The following NFIB variants were observed in gnomAD, a reference collection of about 807,000 sequenced individuals.
NFIB encodes the protein nuclear factor 1 B-type.
Under a neutral mutation model 61.5 loss-of-function variants are expected in NFIB, and 11 were observed. The observed-to-expected ratio is 0.18, with a 90% confidence interval of 0.11 to 0.30. NFIB has a LOEUF of 0.30. NFIB is among the 10% of genes least tolerant of loss of function. NFIB has a pLI of 1.00. For missense variants in NFIB, 471 were observed against 608.9 expected, an observed-to-expected ratio of 0.77 and a Z score of 2.38; for synonymous variants, 260 against 216.5, an observed-to-expected ratio of 1.20 and a Z score of -1.76.
intron 1 of NFIB, among the ~76,000 whole-genome samples, chr9:14,380,486 C>G (rs984173298): frequency 6.6e-6 from 1 of 152,134 alleles, no homozygotes; most frequent in African/African-American, 2.4e-5. Context: ...GCATCAATTC[C>G]GAATTTATCC....
chr9:14,305,982 A>G (rs1198972378), intron 2 of NFIB: 3 of 1,351,290 alleles, frequency 2.2e-6, no homozygotes, highest in African/African-American at 3.0e-5. Flanking sequence ...GGACATCTAT[A>G]TCTTGATGCA....
chr9:14,263,817 G>A (rs574533009), intron 2 of NFIB, among the ~76,000 whole-genome samples: 12 of 152,274 alleles, frequency 7.9e-5, no homozygotes, highest in African/African-American at 2.4e-4. Context: ...GGCGTAATCC[G>A]TGAAACCCAA....
intron 2 of NFIB, among the ~76,000 whole-genome samples, chr9:14,272,442 T>C (rs548026113): frequency 2.7e-4 from 41 of 152,308 alleles, no homozygotes; most frequent in Non-Finnish European, 5.6e-4. Context: ...CATAAAATGC[T>C]ATCATTTAAA....
In NFIB at chr9:14,150,270, GGAATAA is replaced by G; in HGVS notation, c.686-11_686-6del. 1 of 1,613,160 alleles carries G rather than the reference GGAATAA, an allele frequency of 6.2e-7. No individual in the cohort carries two copies. On this transcript the variant is annotated splice_region_variant and splice_polypyrimidine_tract_variant and intron_variant, in intron 4 of 10. Coordinates refer to ENST00000380953, the MANE Select transcript of NFIB (RefSeq NM_001190737.2). ...CAGTTCCCTGGGTTATGGGCGCTGA[GGAATAA>G]GACAAAGAAGCACTGGGAATGACAT...
intron 6 of NFIB, among the ~76,000 whole-genome samples, chr9:14,129,908 T>C (rs1314093041): frequency 6.6e-6 from 1 of 152,202 alleles, no homozygotes; most frequent in Non-Finnish European, 1.5e-5. Flanking sequence ...GATTAGCTGA[T>C]GTTTCTACTG....
At chr9:14,317,323 C>G (rs1320883430), upstream of NFIB, 2 of 152,246 alleles carry the variant, frequency 1.3e-5, no homozygotes, top group Non-Finnish European at 2.9e-5. Flanking sequence ...ACACCAAGGG[C>G]GAAGAAGCAG....
intron 7 of NFIB, among the ~76,000 whole-genome samples, chr9:14,122,196 T>C (rs555898653): frequency 4.2e-4 from 64 of 152,068 alleles, no homozygotes; most frequent in South Asian, 1.0e-3. Flanking sequence ...GGGTGGGACC[T>C]ATTTATGGGA....
the NFIB span, among the ~76,000 whole-genome samples, chr9:14,529,232 T>C: frequency 2.6e-5 from 4 of 152,308 alleles, no homozygotes; most frequent in East Asian, 5.8e-4. Context: ...TTGGGCTTTT[T>C]CCCTGTCAAG....
At chr9:14,300,234 T>C (rs949166487) in intron 2 of NFIB, 10 of 398,386 alleles carry the variant, frequency 2.5e-5, no homozygotes, top group Admixed American at 4.4e-5. Flanking sequence ...CGTCTCTTCT[T>C]GCTATGCTTG....
chr9:14,098,725 G>A (rs1216322414), intron 10 of NFIB, among the ~76,000 whole-genome samples: 1 of 152,138 alleles, frequency 6.6e-6, no homozygotes, highest in African/African-American at 2.4e-5. Flanking sequence ...ATTTTACTCT[G>A]GGTTAACTGC....
the NFIB span, among the ~76,000 whole-genome samples, chr9:14,491,504 G>A: frequency 9.9e-5 from 15 of 152,216 alleles, no homozygotes; most frequent in Non-Finnish European, 8.8e-5. Context: ...GACAGTAGAA[G>A]ATAGGGCTGA....
chr9:14,409,251 C>T, the NFIB span, among the ~76,000 whole-genome samples: 1 of 151,998 alleles, frequency 6.6e-6, no homozygotes, highest in African/African-American at 2.4e-5. Flanking sequence ...TAATTATAAG[C>T]TTATATAATT....
intron 3 of NFIB, among the ~76,000 whole-genome samples, chr9:14,169,449 T>C (rs893238821): frequency 2.0e-5 from 3 of 152,124 alleles, no homozygotes; most frequent in African/African-American, 4.8e-5. Context: ...CCAAAAAGAT[T>C]TGTAACAACT....
intron 1 of NFIB, among the ~76,000 whole-genome samples, chr9:14,337,966 A>C (rs2060903767): frequency 6.6e-6 from 1 of 152,214 alleles, no homozygotes; most frequent in South Asian, 2.1e-4. Flanking sequence ...ACTGGGCAGT[A>C]AATGCATGTA....
chr9:14,529,292 C>CA, the NFIB span, among the ~76,000 whole-genome samples: 2 of 152,078 alleles, frequency 1.3e-5, no homozygotes. Flanking sequence ...CTGAAACAGA[C>CA]AATAAGTCAG....
the NFIB span, among the ~76,000 whole-genome samples, chr9:14,514,469 A>C: frequency 2.6e-5 from 4 of 152,188 alleles, no homozygotes; most frequent in Non-Finnish European, 5.9e-5. Flanking sequence ...CCTAGTATTC[A>C]TAGATTTGGT....
chr9:14,446,708 C>A, the NFIB span, among the ~76,000 whole-genome samples: 1 of 152,072 alleles, frequency 6.6e-6, no homozygotes, highest in Admixed American at 6.6e-5. Context: ...ATACTAGCTA[C>A]ATAAATATAT....
intron 3 of NFIB, among the ~76,000 whole-genome samples, chr9:14,159,214 G>A (rs1189984770): frequency 2.0e-5 from 3 of 152,154 alleles, no homozygotes; most frequent in East Asian, 1.9e-4. Context: ...CAGAAAAAAA[G>A]AAGACAATTC....
At chr9:14,450,358 T>C in the NFIB span, among the ~76,000 whole-genome samples, 1 of 152,210 alleles carries the variant, frequency 6.6e-6, no homozygotes, top group Non-Finnish European at 1.5e-5. Context: ...CTCTTCAAAC[T>C]GCATTGACCT....
Sources: allele counts gnomAD v4.1 joint callset (sites outside exome capture counted in the v4.1 genomes callset), GRCh38; gene constraint gnomAD v4.1.1; transcripts MANE v1.5; gene names NCBI Gene and HGNC (gene_info 2026-07-23, HGNC 2026-07-21).